CLEC2B: variants seen among roughly 807,000 people sequenced by gnomAD.
The protein encoded by CLEC2B is C-type (calcium dependent, carbohydrate-recognition domain) lectin, superfamily member 2 (activation-induced).
In CLEC2B, 14 loss-of-function variants were observed where a neutral mutation model predicts 16.2. That is an observed-to-expected ratio of 0.86 (90% CI 0.57 to 1.35). The LOEUF is 1.35. CLEC2B is among the 40% of genes most tolerant of loss of function. The pLI is 0.00. For synonymous variants in CLEC2B, 42 were observed against 55.8 expected (o/e 0.75, Z 1.10); for missense variants, 166 against 182.3 (o/e 0.91, Z 0.52).
chr12:9,854,668 G>T lies in CLEC2B; in HGVS notation c.238-184C>A, dbSNP rs533043831. The T allele has an allele frequency of 7.6e-6, 4 of 525,230 alleles. No homozygotes were observed. In the East Asian group the frequency reaches 9.5e-5, roughly 12 times the overall value. The allele number at this position is 525,230 out of a possible 1,614,324, so 32.5% of individuals were successfully genotyped here. A position where few individuals can be genotyped will look rare whatever the true frequency, so the allele number is the denominator to read the frequency against. On this transcript the variant is annotated intron_variant, in intron 3 of 4. Coordinates refer to ENST00000228438, the MANE Select transcript of CLEC2B (RefSeq NM_005127.3). The stretch of plus-strand genomic sequence containing the variant: ...TTTCCTCTGACCTTCAGTTTTTTTT[G>T]TGAAACAAATATGTTAGATACATTT...
chr12:9,859,175 G>A (rs1867915580), intron 2 of CLEC2B, among the ~76,000 whole-genome samples: 1 of 151,870 alleles, frequency 6.6e-6, no homozygotes, highest in African/African-American at 2.4e-5. Context: ...TTAAGATTAT[G>A]TTTTAGAAAT....
rs1231451319 is a variant in CLEC2B, at chr12:9,853,053, T to TA, written c.*246dup. On this transcript the variant is annotated 3_prime_UTR_variant, in exon 5 of 5. Transcript: ENST00000228438. Reference sequence around the variant, plus strand: ...CCACAATTGTTTTCTGGTTTACAGTTAAAAAAAGAAAGAAAGAAAGAAAGA... The same window carrying TA: ...CCACAATTGTTTTCTGGTTTACAGTTAAAAAAAAGAAAGAAAGAAAGAAAGA... The TA allele has an allele frequency of 5.8e-5, 6 of 103,404 alleles. No homozygotes were observed. The highest frequency in any genetic ancestry group is 2.7e-4 in the South Asian group (4 of 14,672). 6.4% of individuals were successfully genotyped at this position (103,404 alleles called of 1,614,324 possible).
At chr12:9,868,376 G>C (rs1867987857) in intron 1 of CLEC2B, among the ~76,000 whole-genome samples, 1 of 152,006 alleles carries the variant, frequency 6.6e-6, no homozygotes, top group Admixed American at 6.6e-5. Flanking sequence ...TAAAATACGG[G>C]AGGAAGGATA....
At chr12:9,861,949 G>A (rs1867935710) in intron 2 of CLEC2B, among the ~76,000 whole-genome samples, 1 of 152,138 alleles carries the variant, frequency 6.6e-6, no homozygotes, top group Non-Finnish European at 1.5e-5. Flanking sequence ...AGCAGAGACT[G>A]TATGGCTAAC....
intron 3 of CLEC2B, 78 bp from the exon 4 acceptor site, chr12:9,854,562 G>A (rs1867879501): frequency 5.4e-6 from 5 of 928,166 alleles, no homozygotes; most frequent in Non-Finnish European, 7.0e-6. Context: ...TGTTTCGTAG[G>A]TTGTGAAGTG....
At chr12:9,862,171 A>G (rs1236015282) in intron 2 of CLEC2B, among the ~76,000 whole-genome samples, 1 of 152,090 alleles carries the variant, frequency 6.6e-6, no homozygotes, top group Non-Finnish European at 1.5e-5. Context: ...TTTTATATGT[A>G]TTTAAATTTG....
chr12:9,854,722 T>C, intron 3 of CLEC2B: 3 of 498,884 alleles, frequency 6.0e-6, no homozygotes, highest in Non-Finnish European at 1.1e-5. Flanking sequence ...AATTGATAAA[T>C]GTTCAATTTG....
chr12:9,866,772 TA>T (rs531342028), intron 1 of CLEC2B, among the ~76,000 whole-genome samples: 5 of 151,440 alleles, frequency 3.3e-5, no homozygotes, highest in East Asian at 1.9e-4. Flanking sequence ...CCTTTTCAAT[TA>T]AAAAAAAATC....
intron 1 of CLEC2B, among the ~76,000 whole-genome samples, chr12:9,863,952 A>G (rs1867951553): frequency 1.3e-5 from 2 of 152,170 alleles, no homozygotes; most frequent in South Asian, 4.1e-4. Context: ...GATAAAGGTC[A>G]GAGAACACCA....
intron 2 of CLEC2B, among the ~76,000 whole-genome samples, chr12:9,861,983 G>A (rs1026521666): frequency 1.3e-5 from 2 of 151,820 alleles, no homozygotes; most frequent in Non-Finnish European, 2.9e-5. Context: ...TTTACTATCT[G>A]GGTCTTTTTA....
intron 2 of CLEC2B, among the ~76,000 whole-genome samples, chr12:9,858,738 A>T (rs1015869529): frequency 1.3e-5 from 2 of 151,734 alleles, no homozygotes; most frequent in East Asian, 1.9e-4. Context: ...GTATATATAC[A>T]TATACACACA....
chr12:9,853,188 G>C lies in CLEC2B; in HGVS notation c.*112C>G. ...TTATGTGTAGCCTGACACGTAAGCA[G>C]AATTAACCAGACAGGTACAAAACTC... is the stretch of plus-strand genomic sequence containing the variant. On this transcript the variant is annotated 3_prime_UTR_variant, in exon 5 of 5. Coordinates refer to ENST00000228438, the MANE Select transcript of CLEC2B (RefSeq NM_005127.3). 1.2e-6 allele frequency: 1 copy of C among 825,648 alleles called. No homozygotes were observed. 51.1% of individuals were successfully genotyped at this position (825,648 alleles called of 1,614,324 possible).
intron 3 of CLEC2B, 144 bp from the exon 4 acceptor site, chr12:9,854,628 A>T (rs961336669): frequency 7.4e-6 from 4 of 541,290 alleles, no homozygotes; most frequent in Non-Finnish European, 1.3e-5. Context: ...TGGAGTTTTG[A>T]AAAAGTACTT....
chr12:9,868,436 A>C (rs778465099), intron 1 of CLEC2B, among the ~76,000 whole-genome samples: 20 of 152,106 alleles, frequency 1.3e-4, no homozygotes, highest in Non-Finnish European at 2.8e-4. Flanking sequence ...ACCGTAGCAT[A>C]CGCTGGTAGG....
intron 4 of CLEC2B, among the ~76,000 whole-genome samples, chr12:9,853,861 A>G (rs1436184725): frequency 6.6e-6 from 1 of 152,190 alleles, no homozygotes; most frequent in Non-Finnish European, 1.5e-5. Context: ...TAGTGTTTCT[A>G]TTGAGAAACT....
intron 1 of CLEC2B, among the ~76,000 whole-genome samples, chr12:9,865,698 A>G (rs1867965802): frequency 6.6e-6 from 1 of 152,192 alleles, no homozygotes; most frequent in South Asian, 2.1e-4. Flanking sequence ...CTGCTGCAGA[A>G]TACTCATTAT....
In CLEC2B at chr12:9,853,179, A is replaced by T. The variant is rs2594072; in HGVS notation, c.*121T>A. 1.4e-6 allele frequency: 1 copy of T among 733,730 alleles called. No homozygotes were observed. Among genetic ancestry groups the T allele is most frequent in the Non-Finnish European group, 2.3e-6 (1 of 434,106 alleles). The allele number at this position is 733,730 out of a possible 1,614,324, so 45.5% of individuals were successfully genotyped here. On this transcript the variant is annotated 3_prime_UTR_variant, in exon 5 of 5. Transcript: ENST00000228438. ...AAGTGGCTTTTATGTGTAGCCTGAC[A>T]CGTAAGCAGAATTAACCAGACAGGT...
chr12:9,855,005 T>A (rs556917466), intron 3 of CLEC2B, among the ~76,000 whole-genome samples: 1 of 152,298 alleles, frequency 6.6e-6, no homozygotes, highest in South Asian at 2.1e-4. Flanking sequence ...CATTTAAATT[T>A]CCAAATACAT....
chr12:9,863,672 T>C (rs1400782836), intron 1 of CLEC2B, among the ~76,000 whole-genome samples: 1 of 152,126 alleles, frequency 6.6e-6, no homozygotes. Flanking sequence ...AAAATTTTAT[T>C]AGCGGCTCTC....
Sources: allele counts gnomAD v4.1 joint callset (sites outside exome capture counted in the v4.1 genomes callset), GRCh38; gene constraint gnomAD v4.1.1; transcripts MANE v1.5; gene names NCBI Gene and HGNC (gene_info 2026-07-23, HGNC 2026-07-21).